The following PLCH1 variants were observed in gnomAD, a reference collection of about 807,000 sequenced individuals.
The protein encoded by PLCH1 is phospholipase C eta 1.
A neutral mutation model predicts 126.7 loss-of-function variants in PLCH1; 60 were observed. The observed-to-expected ratio is 0.47, with a 90% CI of 0.38 to 0.59. PLCH1 has a LOEUF of 0.59. PLCH1 is among the 20% of genes least tolerant of loss of function. The pLI, the probability that PLCH1 is intolerant of heterozygous loss-of-function variation, is 0.00. For missense variants in PLCH1, 1,723 were observed against 2,040.0 expected (o/e 0.84, Z 2.99); for synonymous variants, 719 against 734.9 (o/e 0.98, Z 0.35).
At chr3:155,653,983 T>C (rs918304646) in intron 2 of PLCH1, among the ~76,000 whole-genome samples, 12 of 151,268 alleles carry the variant, frequency 7.9e-5, no homozygotes, top group Admixed American at 6.6e-4. Context: ...TTTCTTCCCC[T>C]TCCTCTCTCT....
At chr3:155,723,970 A>T (rs539277322) in intron 1 of PLCH1, among the ~76,000 whole-genome samples, 109 of 151,734 alleles carry the variant, frequency 7.2e-4, no homozygotes, top group African/African-American at 2.5e-3. Flanking sequence ...AAAAAAAAAA[A>T]AAAAATTCCA....
chr3:155,602,375 G>T (rs770994758), intron 2 of PLCH1, among the ~76,000 whole-genome samples: 3 of 152,096 alleles, frequency 2.0e-5, no homozygotes, highest in Non-Finnish European at 4.4e-5. Flanking sequence ...CGAGTAGAAA[G>T]GATAAGAAAG....
At chr3:155,720,738 T>C (rs529356535) in intron 1 of PLCH1, among the ~76,000 whole-genome samples, 7 of 152,232 alleles carry the variant, frequency 4.6e-5, no homozygotes, top group Non-Finnish European at 2.9e-5. Context: ...AAGTCCCATC[T>C]ATTTATATTT....
intron 4 of PLCH1, among the ~76,000 whole-genome samples, chr3:155,592,755 A>C (rs916715320): frequency 6.6e-6 from 1 of 152,170 alleles, no homozygotes; most frequent in Non-Finnish European, 1.5e-5. Context: ...AGGCACTGTT[A>C]GTACGGTTTC....
At chr3:155,504,202 T>C (rs1238839932) in intron 13 of PLCH1, among the ~76,000 whole-genome samples, 9 of 152,224 alleles carry the variant, frequency 5.9e-5, no homozygotes, top group African/African-American at 9.6e-5. Flanking sequence ...TATTGATTTA[T>C]AGAAGCTATT....
intron 8 of PLCH1, 89 bp downstream of exon 8, chr3:155,564,826 T>C: frequency 1.3e-6 from 1 of 777,246 alleles, no homozygotes; most frequent in South Asian, 1.6e-5. Context: ...GAGTGTGTTT[T>C]AGGTCTCCAT....
chr3:155,575,146 AAT>A (rs1446847795), intron 6 of PLCH1, among the ~76,000 whole-genome samples: 1 of 152,060 alleles, frequency 6.6e-6, no homozygotes, highest in Non-Finnish European at 1.5e-5. Flanking sequence ...AAAATAAATA[AAT>A]AAAAAGAAAA....
chr3:155,665,058 A>G (rs1489775625), intron 2 of PLCH1, among the ~76,000 whole-genome samples: 20 of 152,130 alleles, frequency 1.3e-4, no homozygotes, highest in Admixed American at 1.3e-3. Context: ...ATTGCCCTTT[A>G]AAACTTCCTC....
chr3:155,561,824 C>T (rs140190571), intron 8 of PLCH1, among the ~76,000 whole-genome samples: 1,759 of 152,234 alleles, frequency 0.012, 34 homozygotes, highest in African/African-American at 0.04. Context: ...TTCTGTTGCC[C>T]AGGCTGGAGT....
intron 2 of PLCH1, among the ~76,000 whole-genome samples, chr3:155,692,152 C>A (rs1459446119): frequency 6.6e-6 from 1 of 151,866 alleles, no homozygotes; most frequent in Non-Finnish European, 1.5e-5. Flanking sequence ...ACTAAGAAAG[C>A]CTATTAAAGG....
chr3:155,743,714 G>A, intron 1 of PLCH1: 2 of 354,698 alleles, frequency 5.6e-6, no homozygotes, highest in Non-Finnish European at 1.1e-5. Flanking sequence ...TTATACTCTG[G>A]TCCCTTTTGC....
chr3:155,663,781 C>T (rs908550770), intron 2 of PLCH1, among the ~76,000 whole-genome samples: 1 of 152,110 alleles, frequency 6.6e-6, no homozygotes, highest in African/African-American at 2.4e-5. Flanking sequence ...TCTCTACATG[C>T]TAAATGCTGA....
intron 1 of PLCH1, among the ~76,000 whole-genome samples, chr3:155,704,861 A>G (rs1042289270): frequency 6.6e-5 from 10 of 152,218 alleles, no homozygotes; most frequent in African/African-American, 2.2e-4. Context: ...GGCCTCAGCA[A>G]GGTAAACTAG....
intron 2 of PLCH1, among the ~76,000 whole-genome samples, chr3:155,684,521 A>G (rs1160641314): frequency 6.6e-6 from 1 of 152,276 alleles, no homozygotes; most frequent in East Asian, 1.9e-4. Flanking sequence ...AAACTCCTGA[A>G]GGACTGGAAG....
chr3:155,728,157 T>C (rs1021615905), intron 1 of PLCH1, among the ~76,000 whole-genome samples: 8 of 152,136 alleles, frequency 5.3e-5, no homozygotes, highest in African/African-American at 1.9e-4. Flanking sequence ...TTTAGGAAAA[T>C]GATTTTTCTA....
At position 155,596,227 on chromosome 3, in the gene PLCH1, T is replaced by A. The variant is rs780613524; in HGVS notation, c.226+5A>T. 3.7e-6 allele frequency: 6 copies of A among 1,611,138 alleles called. No individual in the cohort carries two copies. The highest frequency in any genetic ancestry group is 5.1e-6 in the Non-Finnish European group (6 of 1,177,832). The stretch of plus-strand genomic sequence containing the variant: ...CCAAGCAAAGAATTCAAAGATTTGT[T>A]TTACTTTTTGCCTTCTCACTCTTCC... On this transcript the variant is annotated splice_donor_5th_base_variant and intron_variant, in intron 3 of 22. Coordinates refer to ENST00000460012, the MANE Select transcript of PLCH1 (RefSeq NM_014996.4).
chr3:155,615,549 G>A (rs1287946410), intron 2 of PLCH1, among the ~76,000 whole-genome samples: 1 of 152,070 alleles, frequency 6.6e-6, no homozygotes. Flanking sequence ...GCCCATCAAC[G>A]AACAAGTGGA....
chr3:155,546,120 T>A (rs979347545), intron 10 of PLCH1, among the ~76,000 whole-genome samples: 13 of 152,094 alleles, frequency 8.5e-5, no homozygotes, highest in Admixed American at 4.6e-4. Flanking sequence ...AGATGACATG[T>A]TTGTATATCT....
At position 155,485,560 on chromosome 3, in the gene PLCH1, T is replaced by C. The variant is rs1286502284; in HGVS notation, c.2770A>G (p.Ser924Gly). Residue 924 changes from serine to glycine, a missense_variant, in exon 22 of 23, where the codon AGC becomes GGC. By Grantham distance (56) the Ser-to-Gly change is moderately conservative (BLOSUM62 0). This residue lies in a region of PLCH1 where 947 missense variants were observed against 977.1 expected (regional missense o/e 0.97). Transcript: ENST00000460012. ...ACCATTTCTTGGAAGCCCATTTTGCTCTTTTTCCTGCCTTTGGCTGGGGCG... is the reference window on the plus strand; with the variant it reads ...ACCATTTCTTGGAAGCCCATTTTGCCCTTTTTCCTGCCTTTGGCTGGGGCG... ...ASAPAKGRKKSKMGFQEMVEI... is the reference protein window; with the variant it reads ...ASAPAKGRKKGKMGFQEMVEI... 6.2e-7 allele frequency: 1 copy of C among 1,614,186 alleles called. No individual in the cohort carries two copies. Among genetic ancestry groups the C allele is most frequent in the South Asian group, 1.1e-5 (1 of 91,084 alleles).
Sources: allele counts gnomAD v4.1 joint callset (sites outside exome capture counted in the v4.1 genomes callset), GRCh38; gene constraint gnomAD v4.1.1; regional missense constraint gnomAD v4.1.1; transcripts MANE v1.5; gene names NCBI Gene and HGNC (gene_info 2026-07-23, HGNC 2026-07-21).